The following INSC variants were observed in gnomAD, a reference collection of about 807,000 sequenced individuals.
INSC encodes protein inscuteable homolog.
Under a neutral mutation model 58.6 loss-of-function variants are expected in INSC, and 67 were observed. The observed-to-expected ratio is 1.14, with a 90% confidence interval of 0.94 to 1.40. The LOEUF (loss-of-function observed/expected upper bound fraction) is 1.40, where lower values mean the gene tolerates loss of function less well. Ranked by LOEUF, INSC falls within the 40% of genes most tolerant of loss-of-function variation. The probability of loss-of-function intolerance (pLI) is 0.00; values close to 1 mark genes in which losing one functional copy is unlikely to be tolerated. For synonymous variants in INSC, 262 were observed against 276.1 expected, an observed-to-expected ratio of 0.95 and a Z score of 0.51; for missense variants, 714 against 692.0, an observed-to-expected ratio of 1.03 and a Z score of -0.36.
At chr11:15,178,592 C>T (rs1242789635) in intron 5 of INSC, 145 bp downstream of exon 5, 3 of 1,047,240 alleles carry the variant, frequency 2.9e-6, no homozygotes, top group African/African-American at 3.2e-5. Flanking sequence ...AAGTCAACTC[C>T]AGCATTTGTG....
chr11:15,227,258 G>C (rs1016773878), intron 9 of INSC, among the ~76,000 whole-genome samples: 12 of 152,174 alleles, frequency 7.9e-5, no homozygotes, highest in African/African-American at 2.9e-4. Context: ...CCACAGACTG[G>C]GTGTTGGTCC....
At chr11:15,230,255 CT>C (rs1476883309) in intron 9 of INSC, among the ~76,000 whole-genome samples, 1 of 151,386 alleles carries the variant, frequency 6.6e-6, no homozygotes, top group African/African-American at 2.4e-5. Context: ...GTTTAATTGG[CT>C]CATGGTTCTA....
intron 6 of INSC, among the ~76,000 whole-genome samples, chr11:15,195,000 A>G (rs552684332): frequency 6.6e-6 from 1 of 152,314 alleles, no homozygotes; most frequent in African/African-American, 2.4e-5. Context: ...AAGTGATTCT[A>G]CTGTGCTGCG....
intron 8 of INSC, among the ~76,000 whole-genome samples, chr11:15,223,727 A>T (rs1006252697): frequency 4.6e-5 from 7 of 152,188 alleles, no homozygotes; most frequent in Non-Finnish European, 4.4e-5. Flanking sequence ...GGTGGCCTGG[A>T]AGGGGCTGGG....
At chr11:15,224,484 A>G (rs1851556743) in intron 8 of INSC, among the ~76,000 whole-genome samples, 1 of 152,258 alleles carries the variant, frequency 6.6e-6, no homozygotes, top group Non-Finnish European at 1.5e-5. Context: ...GGACCAGGAT[A>G]GAACACAGCT....
chr11:15,210,961 C>A (rs1258698065), intron 7 of INSC, among the ~76,000 whole-genome samples: 1 of 152,112 alleles, frequency 6.6e-6, no homozygotes, highest in African/African-American at 2.4e-5. Flanking sequence ...AAGCCCAGAA[C>A]TAGAACCATC....
chr11:15,246,183 A>T lies in INSC; in HGVS notation c.*143A>T. The T allele has an allele frequency of 1.3e-6, 1 of 763,906 alleles. No individual in the cohort carries two copies. Among genetic ancestry groups the T allele is most frequent in the Non-Finnish European group, 2.0e-6 (1 of 500,320 alleles). 47.3% of individuals were successfully genotyped at this position (763,906 alleles called of 1,614,324 possible). A position where few individuals can be genotyped will look rare whatever the true frequency, so the allele number is the denominator to read the frequency against. On this transcript the variant is annotated 3_prime_UTR_variant, in exon 13 of 13. Coordinates refer to ENST00000379556, the MANE Select transcript of INSC (RefSeq NM_001042536.3). Reference sequence around the variant, plus strand: ...TTTGTGTGAAATAAATGGAGGACAAAATCTTAGAGCAACATCATCAAACAG... The same window carrying T: ...TTTGTGTGAAATAAATGGAGGACAATATCTTAGAGCAACATCATCAAACAG...
chr11:15,116,648 C>T (rs1428482889), intron 1 of INSC, among the ~76,000 whole-genome samples: 1 of 152,014 alleles, frequency 6.6e-6, no homozygotes, highest in Non-Finnish European at 1.5e-5. Context: ...AGTGAGGTAC[C>T]CAGACTAAAT....
At chr11:15,240,174 G>A (rs1367381164) in intron 11 of INSC, among the ~76,000 whole-genome samples, 1 of 151,542 alleles carries the variant, frequency 6.6e-6, no homozygotes, top group African/African-American at 2.4e-5. Flanking sequence ...ATTGGCACTT[G>A]AGAAAAAAAA....
the INSC span, among the ~76,000 whole-genome samples, chr11:15,263,720 A>G: frequency 6.6e-6 from 1 of 152,176 alleles, no homozygotes; most frequent in Admixed American, 6.6e-5. Context: ...AGTTTCACAA[A>G]GCTGAAATCA....
At chr11:15,186,714 T>G (rs995983294) in intron 5 of INSC, among the ~76,000 whole-genome samples, 3 of 152,192 alleles carry the variant, frequency 2.0e-5, no homozygotes, top group African/African-American at 7.2e-5. Context: ...GAGTCCTAAT[T>G]CATGCATTTT....
chr11:15,122,154 C>T (rs1189966213), intron 1 of INSC, among the ~76,000 whole-genome samples: 1 of 152,160 alleles, frequency 6.6e-6, no homozygotes, highest in African/African-American at 2.4e-5. Context: ...CTCCAATCAA[C>T]CAATACAATA....
chr11:15,212,591 A>G (rs751082418), intron 7 of INSC, among the ~76,000 whole-genome samples: 29 of 152,080 alleles, frequency 1.9e-4, no homozygotes, highest in Non-Finnish European at 4.1e-4. Context: ...TCTTTTTTAG[A>G]TTTATTCCTA....
chr11:15,150,786 C>T (rs374383422), intron 2 of INSC, among the ~76,000 whole-genome samples: 10 of 152,126 alleles, frequency 6.6e-5, no homozygotes, highest in East Asian at 5.8e-4. Flanking sequence ...TATTTAAAAA[C>T]AATAAAATAA....
At chr11:15,238,885 G>T (rs1200779934) in intron 10 of INSC, 34 bp from the exon 11 acceptor site, 1 of 1,602,328 alleles carries the variant, frequency 6.2e-7, no homozygotes, top group Non-Finnish European at 8.5e-7. Context: ...TCCATGCTGG[G>T]GTAGGTACCA....
intron 2 of INSC, among the ~76,000 whole-genome samples, chr11:15,153,236 T>C (rs538109581): frequency 1.3e-5 from 2 of 152,350 alleles, no homozygotes; most frequent in African/African-American, 4.8e-5. Context: ...TTTGGGGCTT[T>C]CATCTGTGAC....
At chr11:15,132,444 CT>C (rs1848146915) in intron 1 of INSC, among the ~76,000 whole-genome samples, 2 of 152,198 alleles carry the variant, frequency 1.3e-5, no homozygotes, top group South Asian at 4.1e-4. Flanking sequence ...AGTCACTGCA[CT>C]CAGCTAACTT....
intron 6 of INSC, among the ~76,000 whole-genome samples, chr11:15,199,603 C>G (rs1226485678): frequency 6.6e-6 from 1 of 152,184 alleles, no homozygotes; most frequent in African/African-American, 2.4e-5. Context: ...TCAGAGTTCT[C>G]AAAAACCTGA....
At chr11:15,222,572 A>G (rs1851485796) in intron 8 of INSC, among the ~76,000 whole-genome samples, 1 of 152,166 alleles carries the variant, frequency 6.6e-6, no homozygotes, top group Non-Finnish European at 1.5e-5. Context: ...CTGCGCCGGT[A>G]CTGTGTGAGA....
Sources: allele counts gnomAD v4.1 joint callset (sites outside exome capture counted in the v4.1 genomes callset), GRCh38; gene constraint gnomAD v4.1.1; transcripts MANE v1.5; gene names NCBI Gene and HGNC (gene_info 2026-07-23, HGNC 2026-07-21).